ARSG: variants seen among roughly 807,000 people sequenced by gnomAD.
ARSG encodes the protein ASG.
ARSG carries 37 observed loss-of-function variants against 50.5 expected under a neutral mutation model. That is an observed-to-expected ratio of 0.73 (90% CI 0.56 to 0.96). The LOEUF is 0.96. ARSG is among the 50% of genes least tolerant of loss of function. The pLI, the probability that ARSG is intolerant of heterozygous loss-of-function variation, is 0.00. For missense variants in ARSG, 629 were observed against 675.3 expected, an observed-to-expected ratio of 0.93 and a Z score of 0.76; for synonymous variants, 225 against 254.6, an observed-to-expected ratio of 0.88 and a Z score of 1.11.
the ARSG span, chr17:68,428,459 C>T: frequency 1.3e-4 from 27 of 201,134 alleles, no homozygotes; most frequent in Non-Finnish European, 1.7e-4. Context: ...TCTTGAACAC[C>T]TGGACTCAAG....
chr17:68,431,380 G>A, the ARSG span, among the ~76,000 whole-genome samples: 2 of 152,058 alleles, frequency 1.3e-5, no homozygotes, highest in African/African-American at 4.8e-5. Flanking sequence ...ATGGAGCCCG[G>A]CACGTGGCGC....
chr17:68,332,734 G>T (rs1367474565), intron 2 of ARSG, among the ~76,000 whole-genome samples: 1 of 152,166 alleles, frequency 6.6e-6, no homozygotes, highest in Non-Finnish European at 1.5e-5. Flanking sequence ...CACAATTTAT[G>T]TTCTTCTGCC....
intron 8 of ARSG, among the ~76,000 whole-genome samples, chr17:68,383,716 C>G (rs2080553680): frequency 6.6e-6 from 1 of 152,112 alleles, no homozygotes; most frequent in Non-Finnish European, 1.5e-5. Context: ...ATTCTTTGTT[C>G]CAAGTGCGTG....
chr17:68,444,726 AT>A, the ARSG span: 1 of 641,142 alleles, frequency 1.6e-6, no homozygotes, highest in Non-Finnish European at 2.6e-6. Flanking sequence ...CATTTTGAAG[AT>A]TGTGTTTATG....
chr17:68,333,658 TA>T (rs1046780131), intron 2 of ARSG, among the ~76,000 whole-genome samples: 1 of 148,314 alleles, frequency 6.7e-6, no homozygotes, highest in African/African-American at 2.5e-5. Context: ...ATAATAATAA[TA>T]ATAATAATAA....
At chr17:68,449,994 G>T in the ARSG span, among the ~76,000 whole-genome samples, 1 of 152,148 alleles carries the variant, frequency 6.6e-6, no homozygotes, top group Non-Finnish European at 1.5e-5. Context: ...CTGGGCAATA[G>T]GGCAAGACCC....
At chr17:68,296,079 C>T (rs2076196813) in intron 1 of ARSG, among the ~76,000 whole-genome samples, 1 of 152,162 alleles carries the variant, frequency 6.6e-6, no homozygotes, top group Non-Finnish European at 1.5e-5. Flanking sequence ...CTCAAACCAA[C>T]CAACCAACTC....
At chr17:68,324,419 C>T (rs1170444463) in intron 2 of ARSG, among the ~76,000 whole-genome samples, 9 of 152,278 alleles carry the variant, frequency 5.9e-5, no homozygotes, top group African/African-American at 9.6e-5. Context: ...AAGACTGGCT[C>T]CTGTAACACG....
intron 9 of ARSG, among the ~76,000 whole-genome samples, chr17:68,392,889 C>G (rs533540228): frequency 6.6e-6 from 1 of 152,294 alleles, no homozygotes; most frequent in Admixed American, 6.5e-5. Flanking sequence ...AAAACTAGAT[C>G]TTTTATAACA....
chr17:68,260,243 A>G (rs1264577518), intron 1 of ARSG, among the ~76,000 whole-genome samples: 2 of 152,194 alleles, frequency 1.3e-5, no homozygotes, highest in Admixed American at 6.5e-5. Flanking sequence ...AATGGCAAAA[A>G]TGGGATCAGA....
Position 68,399,187 on chromosome 17 carries a change from A to G in ARSG, c.1213-2173A>G, listed in dbSNP as rs1205104349. Reference sequence around the variant, plus strand: ...CATCGAGGAAACAAGCTGAGTTTTAATGTCCAGAAAGAACGCTGATCACTT... The same window carrying G: ...CATCGAGGAAACAAGCTGAGTTTTAGTGTCCAGAAAGAACGCTGATCACTT... On this transcript the variant is annotated intron_variant, in intron 10 of 11. Transcript: ENST00000621439. The surrounding 1 kb of genome is among the most constrained non-coding windows in gnomAD (Gnocchi z 4.6). Among the ~76,000 whole-genome samples, 1 of 152,176 alleles carries G rather than the reference A, an allele frequency of 6.6e-6. No homozygotes were observed. The highest frequency in any genetic ancestry group is 2.4e-5 in the African/African-American group (1 of 41,434).
Position 68,367,870 on chromosome 17 carries a change from A to G in ARSG, c.705-678A>G, listed in dbSNP as rs1395879208. ...CAGCTCACCCGAGGTCAGGAGTTTG[A>G]GGCCAACCTAGCCAACGTAGCAAAA... On this transcript the variant is annotated intron_variant, in intron 6 of 11. Transcript: ENST00000621439. This position sits in a 1 kb window ranked among gnomAD's most constrained non-coding sequence, Gnocchi z 4.5. 6.6e-6 allele frequency among the ~76,000 whole-genome samples: 1 copy of G among 152,184 alleles called. No homozygotes were observed. The highest frequency in any genetic ancestry group is 2.4e-5 in the African/African-American group (1 of 41,448).
Position 68,420,566 on chromosome 17 carries a change from C to T in ARSG, c.*103C>T. The T allele has an allele frequency of 6.6e-6, 9 of 1,366,460 alleles. No individual in the cohort carries two copies. The highest frequency in any genetic ancestry group is 9.1e-6 in the Non-Finnish European group (9 of 986,902). The allele number at this position is 1,366,460 out of a possible 1,614,324, so 84.6% of individuals were successfully genotyped here. A position where few individuals can be genotyped will look rare whatever the true frequency, so the allele number is the denominator to read the frequency against. Reference sequence around the variant, plus strand: ...TTACAAACACACGCTTTAGTTTAGTCTTGGAGTTTAGTTTTGGAGTTAGCC... The same window carrying T: ...TTACAAACACACGCTTTAGTTTAGTTTTGGAGTTTAGTTTTGGAGTTAGCC... On this transcript the variant is annotated 3_prime_UTR_variant, in exon 12 of 12. Coordinates refer to ENST00000621439, the MANE Select transcript of ARSG (RefSeq NM_001267727.2).
chr17:68,331,209 C>CTTTCTTTCTTTCTTTCTTTG (rs2077736379), intron 2 of ARSG, among the ~76,000 whole-genome samples: 1 of 40,592 alleles, frequency 2.5e-5, no homozygotes, highest in Non-Finnish European at 4.8e-5. Flanking sequence ...TTCTTTCTTT[C>CTTTCTTTCTTTCTTTCTTTG]TTTCTTTCTT....
intron 3 of ARSG, among the ~76,000 whole-genome samples, chr17:68,345,695 T>C (rs898638862): frequency 1.3e-5 from 2 of 152,242 alleles, no homozygotes; most frequent in African/African-American, 4.8e-5. Flanking sequence ...TGCCTAGCTG[T>C]GCGAATACCA....
At chr17:68,296,008 T>C (rs1241491956) in intron 1 of ARSG, among the ~76,000 whole-genome samples, 13 of 151,944 alleles carry the variant, frequency 8.6e-5, no homozygotes, top group Non-Finnish European at 1.5e-5. Flanking sequence ...AAAAATTAGC[T>C]GGGTGTGGTG....
At chr17:68,323,515 G>T (rs781890496) in intron 2 of ARSG, among the ~76,000 whole-genome samples, 2 of 152,070 alleles carry the variant, frequency 1.3e-5, no homozygotes, top group Non-Finnish European at 2.9e-5. Context: ...TTCCCAAAAT[G>T]CTGGGATTAT....
chr17:68,371,682 A>C (rs375656464), intron 8 of ARSG, among the ~76,000 whole-genome samples: 1 of 152,370 alleles, frequency 6.6e-6, no homozygotes, highest in East Asian at 1.9e-4. Context: ...GCTCAATGAC[A>C]TACGAAAAAG....
chr17:68,271,738 G>T lies in ARSG; in HGVS notation c.-552+12312G>T. On this transcript the variant is annotated intron_variant, in intron 1 of 11. Coordinates refer to the ARSG transcript ENST00000448504. The surrounding 1 kb of genome is among the most constrained non-coding windows in gnomAD (Gnocchi z 5.3). ...AGGAGAAGCCATCAAGAAGAAATATGGATCCAGATTTTGTTATAAGTTCTG... is the reference window on the plus strand; with the variant it reads ...AGGAGAAGCCATCAAGAAGAAATATTGATCCAGATTTTGTTATAAGTTCTG... 1 of 1,034,922 alleles carries T rather than the reference G, an allele frequency of 9.7e-7. No individual in the cohort carries two copies. Among genetic ancestry groups the T allele is most frequent in the Non-Finnish European group, 1.4e-6 (1 of 710,152 alleles). The allele number at this position is 1,034,922 out of a possible 1,614,324, so 64.1% of individuals were successfully genotyped here. A position where few individuals can be genotyped will look rare whatever the true frequency, so the allele number is the denominator to read the frequency against.
Sources: gnomAD v4.1 joint callset for allele counts (sites outside exome capture counted in the v4.1 genomes callset) on GRCh38, gnomAD v4.1.1 for gene constraint, Gnocchi (gnomAD v3.1) non-coding constraint, MANE v1.5 for transcripts, NCBI Gene and HGNC (gene_info 2026-07-23, HGNC 2026-07-21) for gene names.